Variants in EPB41 observed in about 807,000 individuals in gnomAD.
The protein encoded by EPB41 is protein 4.1.
EPB41 carries 65 observed loss-of-function variants against 108.0 expected under a neutral mutation model. The ratio of observed to expected loss-of-function variants is 0.60; its 90% CI spans 0.49 to 0.74. The LOEUF (loss-of-function observed/expected upper bound fraction) is 0.74. EPB41 is among the 30% of genes least tolerant of loss of function. The pLI, the probability that EPB41 is intolerant of heterozygous loss-of-function variation, is 0.00. For synonymous variants in EPB41, 336 were observed against 358.9 expected (o/e 0.94, Z 0.72); for missense variants, 875 against 1,037.0 (o/e 0.84, Z 2.15).
At chr1:29,070,956 A>G (rs141814914) in intron 16 of EPB41, 24 of 188,944 alleles carry the variant, frequency 1.3e-4, no homozygotes, top group African/African-American at 5.3e-4. Flanking sequence ...TTCCTATCCA[A>G]TATCTCACAC....
intron 4 of EPB41, among the ~76,000 whole-genome samples, chr1:29,003,626 A>C (rs2096345569): frequency 6.6e-6 from 1 of 152,088 alleles, no homozygotes; most frequent in South Asian, 2.1e-4. Context: ...AACTTCTGTC[A>C]TTAAGAGCTT....
At position 28,930,343 on chromosome 1, in the gene EPB41, T is replaced by C. The variant is rs575141397; in HGVS notation, c.-8+15575T>C. ...GCTAATTAAAAAAAAAAAAATTTTT[T>C]TTTTTATAGAAACGGGGTCTTGTCA... On this transcript the variant is annotated intron_variant, in intron 1 of 20. Transcript: ENST00000343067. Among the ~76,000 whole-genome samples, 20 of 151,680 alleles carry C rather than the reference T, an allele frequency of 1.3e-4. 1 individual carries two copies. The South Asian group carries it at 4.2e-3, about 32-fold the overall frequency.
At chr1:29,011,042 C>T (rs766799145) in intron 4 of EPB41, among the ~76,000 whole-genome samples, 5 of 149,688 alleles carry the variant, frequency 3.3e-5, no homozygotes, top group Admixed American at 1.4e-4. Context: ...CACTTGAACC[C>T]GGGAGGCGGA....
intron 16 of EPB41, chr1:29,070,338 T>G: frequency 5.7e-6 from 7 of 1,229,704 alleles, no homozygotes; most frequent in Non-Finnish European, 5.1e-6. Flanking sequence ...TATTCTGTCT[T>G]TCTTGATCTT....
At chr1:28,910,372 A>G (rs2092174957), upstream of EPB41, among the ~76,000 whole-genome samples, 1 of 151,886 alleles carries the variant, frequency 6.6e-6, no homozygotes, top group Non-Finnish European at 1.5e-5. Flanking sequence ...GGCAAGCACT[A>G]CTCTTCATAT....
chr1:29,025,827 G>C (rs1375823596), intron 7 of EPB41, among the ~76,000 whole-genome samples: 1 of 151,802 alleles, frequency 6.6e-6, no homozygotes, highest in African/African-American at 2.4e-5. Flanking sequence ...CCTAAGCAGA[G>C]TGAGGAGTGG....
intron 17 of EPB41, among the ~76,000 whole-genome samples, chr1:29,102,318 G>A (rs558710739): frequency 1.3e-5 from 2 of 152,222 alleles, no homozygotes; most frequent in South Asian, 4.1e-4. Context: ...AACAAGCATG[G>A]TGCACTATGG....
chr1:28,933,057 G>A (rs2093828010), intron 1 of EPB41, among the ~76,000 whole-genome samples: 1 of 152,020 alleles, frequency 6.6e-6, no homozygotes, highest in Non-Finnish European at 1.5e-5. Context: ...GGTATATTTA[G>A]TTTGTATATT....
intron 1 of EPB41, among the ~76,000 whole-genome samples, chr1:28,904,555 T>A (rs1283920080): frequency 1.3e-5 from 2 of 152,174 alleles, no homozygotes; most frequent in East Asian, 3.9e-4. Flanking sequence ...TAGGATAAGA[T>A]GAGATTATGA....
At chr1:28,923,747 A>G (rs376219926) in intron 1 of EPB41, among the ~76,000 whole-genome samples, 62 of 152,356 alleles carry the variant, frequency 4.1e-4, no homozygotes, top group African/African-American at 1.4e-3. Context: ...ATTGGGATGA[A>G]TAATTGCATA....
chr1:29,110,561 A>G (rs1276628606), intron 18 of EPB41, among the ~76,000 whole-genome samples: 2 of 152,238 alleles, frequency 1.3e-5, no homozygotes, highest in African/African-American at 4.8e-5. Flanking sequence ...GAGAGAAAAT[A>G]TCTAAAATTG....
upstream of EPB41, among the ~76,000 whole-genome samples, chr1:28,913,692 A>T (rs956380948): frequency 5.9e-5 from 9 of 152,254 alleles, no homozygotes; most frequent in African/African-American, 1.9e-4. Flanking sequence ...ATCCTATCTT[A>T]CCTTCTAGGT....
At chr1:28,952,494 C>T (rs1307699447) in intron 1 of EPB41, among the ~76,000 whole-genome samples, 2 of 152,010 alleles carry the variant, frequency 1.3e-5, no homozygotes, top group Non-Finnish European at 2.9e-5. Context: ...CCACTGCACT[C>T]CAGCCTGGGC....
intron 2 of EPB41, among the ~76,000 whole-genome samples, chr1:28,992,578 A>G (rs1027648373): frequency 1.3e-5 from 2 of 152,204 alleles, no homozygotes; most frequent in Non-Finnish European, 2.9e-5. Flanking sequence ...AGTCCCAGCT[A>G]TTCAGGAGGC....
At chr1:29,008,977 G>T (rs1301326496) in intron 4 of EPB41, among the ~76,000 whole-genome samples, 1 of 152,076 alleles carries the variant, frequency 6.6e-6, no homozygotes, top group African/African-American at 2.4e-5. Context: ...AACCATTTTG[G>T]TGCATGTCCT....
intron 11 of EPB41, among the ~76,000 whole-genome samples, chr1:29,046,867 TA>T (rs1643369964): frequency 1.3e-5 from 2 of 152,118 alleles, no homozygotes; most frequent in Non-Finnish European, 2.9e-5. Flanking sequence ...ATTTTTGGAG[TA>T]AGTTCGAATT....
chr1:29,096,216 C>A (rs1663180927), intron 16 of EPB41: 17 of 985,736 alleles, frequency 1.7e-5, no homozygotes, highest in Admixed American at 6.2e-5. Flanking sequence ...TCTACTAACC[C>A]TGACTCTGAA....
In EPB41 at chr1:29,047,785, TG is replaced by T. The variant is rs1292024585; in HGVS notation, c.1637-5318del. 4.9e-4 allele frequency among the ~76,000 whole-genome samples: 74 copies of T among 151,642 alleles called. No homozygotes were observed. The South Asian group carries it at 6.7e-3, about 14-fold the overall frequency. On this transcript the variant is annotated intron_variant, in intron 11 of 20. Coordinates refer to ENST00000343067, the MANE Select transcript of EPB41 (RefSeq NM_001376013.1). Reference sequence around the variant, plus strand: ...GACAATTTATGTATGTATGTATGTATGTATGTATGTATTTATTTTTGAGGTG... The same window carrying T: ...GACAATTTATGTATGTATGTATGTATTATGTATGTATTTATTTTTGAGGTG...
chr1:29,033,014 C>A, intron 8 of EPB41, 79 bp from the exon 9 acceptor site: 1 of 1,385,934 alleles, frequency 7.2e-7, no homozygotes, highest in Non-Finnish European at 1.0e-6. Flanking sequence ...TGGTTGTTAT[C>A]TTCAGATTAT....
Sources: gnomAD v4.1 joint callset for allele counts (sites outside exome capture counted in the v4.1 genomes callset) on GRCh38, gnomAD v4.1.1 for gene constraint, MANE v1.5 for transcripts, NCBI Gene and HGNC (gene_info 2026-07-23, HGNC 2026-07-21) for gene names.